The following RTN1 variants were observed in gnomAD, a reference collection of about 807,000 sequenced individuals.
RTN1 encodes the protein reticulon-1.
In RTN1, 25 loss-of-function variants were observed where a neutral mutation model predicts 65.5. That is an observed-to-expected ratio of 0.38 (90% CI 0.28 to 0.53). The LOEUF (loss-of-function observed/expected upper bound fraction) is 0.53, where lower values mean the gene tolerates loss of function less well. Ranked by LOEUF, RTN1 falls within the 20% of genes least tolerant of loss-of-function variation. The pLI is 0.79. For synonymous variants in RTN1, 471 were observed against 447.6 expected (o/e 1.05, Z -0.66); for missense variants, 983 against 1,025.4 (o/e 0.96, Z 0.57).
At chr14:59,627,016 G>A (rs1882417921) in intron 3 of RTN1, among the ~76,000 whole-genome samples, 1 of 152,220 alleles carries the variant, frequency 6.6e-6, no homozygotes, top group African/African-American at 2.4e-5. Context: ...AAGATAGGCA[G>A]TGAGTGCTGA....
chr14:59,603,376 T>C, intron 6 of RTN1, 118 bp from the exon 7 acceptor site: 1 of 742,948 alleles, frequency 1.3e-6, no homozygotes, highest in Non-Finnish European at 2.1e-6. Flanking sequence ...TACAGCATTT[T>C]ATTTTATTTT....
rs563278698 is a variant in RTN1, at chr14:59,849,696, C to T, written c.241+20694G>A. Among the ~76,000 whole-genome samples, 25 of 152,258 alleles carry T rather than the reference C, an allele frequency of 1.6e-4. No individual in the cohort carries two copies. The highest frequency in any genetic ancestry group is 1.3e-3 in the Admixed American group (20 of 15,300). ...CCAGTGGCCTGCTGGAGTCACCCCA[C>T]TTATAGAAGTTTCTCCTGGTTTAAG... On this transcript the variant is annotated intron_variant, in intron 1 of 8. Transcript: ENST00000267484. This position sits in a 1 kb window ranked among gnomAD's most constrained non-coding sequence, Gnocchi z 4.5.
intron 1 of RTN1, among the ~76,000 whole-genome samples, chr14:59,751,855 T>A (rs1000608057): frequency 6.6e-6 from 1 of 152,128 alleles, no homozygotes; most frequent in Admixed American, 6.5e-5. Flanking sequence ...TGCTGGATAA[T>A]CCTTAAACTC....
At chr14:59,823,840 A>G (rs1055549219) in intron 1 of RTN1, among the ~76,000 whole-genome samples, 1 of 152,234 alleles carries the variant, frequency 6.6e-6, no homozygotes, top group Admixed American at 6.5e-5. Context: ...TTTGGTGGAC[A>G]ATATCCTCAA....
chr14:59,844,199 C>T (rs770423927), intron 1 of RTN1, among the ~76,000 whole-genome samples: 2 of 152,164 alleles, frequency 1.3e-5, no homozygotes, highest in African/African-American at 2.4e-5. Flanking sequence ...TTTGAATGTA[C>T]GCTCCCGAAC....
At chr14:59,613,842 A>G (rs1474531208) in intron 3 of RTN1, among the ~76,000 whole-genome samples, 1 of 151,986 alleles carries the variant, frequency 6.6e-6, no homozygotes, top group Non-Finnish European at 1.5e-5. Context: ...ATAAAACCCC[A>G]GGAATTTAAA....
chr14:59,810,759 G>A (rs1164976779), intron 1 of RTN1, among the ~76,000 whole-genome samples: 1 of 152,184 alleles, frequency 6.6e-6, no homozygotes, highest in Admixed American at 6.5e-5. Context: ...AGTCAGCGAG[G>A]TGAAGAGGAC....
At chr14:59,845,154 TAC>T (rs1002258220) in intron 1 of RTN1, among the ~76,000 whole-genome samples, 20 of 152,340 alleles carry the variant, frequency 1.3e-4, no homozygotes, top group Admixed American at 1.0e-3. Context: ...GCATCTTTTG[TAC>T]AGTGTTGCAA....
chr14:59,785,199 C>T (rs76931700), intron 1 of RTN1, among the ~76,000 whole-genome samples: 1,912 of 152,306 alleles, frequency 0.013, 38 homozygotes, highest in African/African-American at 0.042. Context: ...CTGCAGGTAT[C>T]ACCTTGGACA....
intron 3 of RTN1, among the ~76,000 whole-genome samples, chr14:59,684,417 A>G (rs907788572): frequency 2.0e-5 from 3 of 152,066 alleles, no homozygotes; most frequent in Non-Finnish European, 4.4e-5. Flanking sequence ...TGGTTCTAAA[A>G]TTTATGGCAA....
In RTN1 at chr14:59,846,677, T is replaced by C. The variant is rs549063259; in HGVS notation, c.241+23713A>G. ...ATGTGTGCTTTTACTCCTTGATGCATACATTTATTTGTAATAAAACAGTGT... is the reference window on the plus strand; with the variant it reads ...ATGTGTGCTTTTACTCCTTGATGCACACATTTATTTGTAATAAAACAGTGT... On this transcript the variant is annotated intron_variant, in intron 1 of 8. Coordinates refer to ENST00000267484, the MANE Select transcript of RTN1 (RefSeq NM_021136.3). The surrounding 1 kb of genome is among the most constrained non-coding windows in gnomAD (Gnocchi z 4.8). 1.3e-5 allele frequency among the ~76,000 whole-genome samples: 2 copies of C among 152,326 alleles called. No homozygotes were observed. Among genetic ancestry groups the C allele is most frequent in the East Asian group, 3.9e-4 (2 of 5,186 alleles).
At chr14:59,827,705 G>A (rs1182598104) in intron 1 of RTN1, among the ~76,000 whole-genome samples, 1 of 152,166 alleles carries the variant, frequency 6.6e-6, no homozygotes, top group African/African-American at 2.4e-5. Context: ...CCTCAAGCCA[G>A]TTTCTATCTT....
chr14:59,724,601 A>G (rs2139473586), intron 3 of RTN1, among the ~76,000 whole-genome samples: 1 of 152,182 alleles, frequency 6.6e-6, no homozygotes, highest in African/African-American at 2.4e-5. Flanking sequence ...GTGGTGGCTC[A>G]CGCCTGTAAT....
At chr14:59,672,625 C>CTT (rs71111662) in intron 3 of RTN1, among the ~76,000 whole-genome samples, 12,036 of 79,002 alleles carry the variant, frequency 0.15, 2,866 homozygotes, top group East Asian at 0.23. Context: ...CAAGATATTT[C>CTT]TTTTTTTTTT....
In RTN1 at chr14:59,637,505, A is replaced by G. The variant is rs184830261; in HGVS notation, c.1766-30013T>C. Among the ~76,000 whole-genome samples, 1,118 of 152,200 alleles carry G rather than the reference A, an allele frequency of 7.3e-3. 9 individuals carry two copies. Among genetic ancestry groups the G allele is most frequent in the Middle Eastern group, 0.02 (6 of 294 alleles). ...GAGGCAGGCGGCTCACGAAGTCAAGAGATCGAGACCATCCTGGCCAACATG... is the reference window on the plus strand; with the variant it reads ...GAGGCAGGCGGCTCACGAAGTCAAGGGATCGAGACCATCCTGGCCAACATG... On this transcript the variant is annotated intron_variant, in intron 3 of 8. Coordinates refer to ENST00000267484, the MANE Select transcript of RTN1 (RefSeq NM_021136.3).
chr14:59,601,303 C>T (rs1881571498), intron 8 of RTN1, among the ~76,000 whole-genome samples: 1 of 152,066 alleles, frequency 6.6e-6, no homozygotes, highest in East Asian at 1.9e-4. Flanking sequence ...TTTACCCATC[C>T]TTCAAGGCCC....
At chr14:59,758,151 T>A (rs1885677157) in intron 1 of RTN1, among the ~76,000 whole-genome samples, 1 of 152,160 alleles carries the variant, frequency 6.6e-6, no homozygotes, top group Non-Finnish European at 1.5e-5. Flanking sequence ...TTTTTATAGC[T>A]TTCTTTCCAT....
chr14:59,675,482 G>A (rs1377558621), intron 3 of RTN1, among the ~76,000 whole-genome samples: 2 of 149,992 alleles, frequency 1.3e-5, no homozygotes, highest in Non-Finnish European at 2.9e-5. Context: ...CACTTACTAT[G>A]TTCTAGATAC....
intron 1 of RTN1, among the ~76,000 whole-genome samples, chr14:59,813,473 T>C (rs1233978694): frequency 1.3e-5 from 2 of 152,224 alleles, no homozygotes; most frequent in Non-Finnish European, 2.9e-5. Flanking sequence ...CTATGTAGAC[T>C]TGATAAGTTC....
Sources: allele counts gnomAD v4.1 joint callset (sites outside exome capture counted in the v4.1 genomes callset), GRCh38; gene constraint gnomAD v4.1.1; non-coding constraint Gnocchi (gnomAD v3.1); transcripts MANE v1.5; gene names NCBI Gene and HGNC (gene_info 2026-07-23, HGNC 2026-07-21).